The following AMZ1 variants were observed in gnomAD, a reference collection of about 807,000 sequenced individuals.
AMZ1 encodes archaelysin family metallopeptidase 1.
AMZ1 carries 39 observed loss-of-function variants against 29.9 expected under a neutral mutation model. The observed-to-expected ratio is 1.30, with a 90% CI of 1.01 to 1.70. The LOEUF (loss-of-function observed/expected upper bound fraction) is 1.70. Ranked by LOEUF, AMZ1 falls within the 40% of genes most tolerant of loss-of-function variation. AMZ1 has a pLI of 0.00. For missense variants in AMZ1, 1,041 were observed against 680.6 expected (o/e 1.53, Z -5.89); for synonymous variants, 458 against 304.0 (o/e 1.51, Z -5.27).
At chr7:2,696,303 C>T (rs1787721519) in intron 1 of AMZ1, among the ~76,000 whole-genome samples, 3 of 143,654 alleles carry the variant, frequency 2.1e-5, no homozygotes, top group Non-Finnish European at 4.5e-5. Flanking sequence ...GTCACCCAGG[C>T]TGGAGTGCAG....
At chr7:2,732,050 C>CT (rs1583203598) in intron 4 of AMZ1, among the ~76,000 whole-genome samples, 1 of 152,318 alleles carries the variant, frequency 6.6e-6, no homozygotes, top group East Asian at 1.9e-4. Context: ...AATTTACCAT[C>CT]TTTTTTGTTT....
rs192962372 is a variant in AMZ1, at chr7:2,707,355, G to A, written c.473-1233G>A. 2.0e-5 allele frequency among the ~76,000 whole-genome samples: 3 copies of A among 151,648 alleles called. No individual in the cohort carries two copies. In the East Asian group the frequency reaches 5.8e-4, roughly 29 times the overall value. On this transcript the variant is annotated intron_variant, in intron 3 of 6. Coordinates refer to ENST00000683327, the MANE Select transcript of AMZ1 (RefSeq NM_001384743.1). ...GTTCCTTTTAATGGTAGAACTCCTT[G>A]GAAAACACTTCTCCGGTGTGCCTCT...
Position 2,700,544 on chromosome 7 carries a change from G to A in AMZ1, c.93G>A (p.Leu31=), listed in dbSNP as rs770753226. Reference sequence around the variant, plus strand: ...CCACTGACGCAGCCCTGCAGCAGCTGTATGTGTCCGCCTTCTCCCCTGCCG... The same window carrying A: ...CCACTGACGCAGCCCTGCAGCAGCTATATGTGTCCGCCTTCTCCCCTGCCG... ...LVSTDAALQQ[L]YVSAFSPAER... is the part of the protein sequence containing the mutation. The change falls in exon 2 of 7, where the codon CTG becomes CTA. Residue 31 remains leucine, a synonymous_variant. Coordinates refer to ENST00000683327, the MANE Select transcript of AMZ1 (RefSeq NM_001384743.1). The A allele has an allele frequency of 1.4e-5, 23 of 1,609,370 alleles. No individual in the cohort carries two copies. The highest frequency in any genetic ancestry group is 1.9e-5 in the Non-Finnish European group (23 of 1,179,924).
chr7:2,759,357 C>CAG (rs1562411475), intron 4 of AMZ1, among the ~76,000 whole-genome samples: 2 of 152,148 alleles, frequency 1.3e-5, no homozygotes, highest in Non-Finnish European at 2.9e-5. Flanking sequence ...TGTGCCTGCA[C>CAG]TGTTCTAAGG....
At chr7:2,693,694 T>C (rs1787541079) in intron 1 of AMZ1, among the ~76,000 whole-genome samples, 1 of 152,218 alleles carries the variant, frequency 6.6e-6, no homozygotes, top group South Asian at 2.1e-4. Context: ...TAGCTAGGAC[T>C]ATAGGCGCCC....
rs1189281897 is a variant in AMZ1, at chr7:2,755,039, C to G, written n.551-9673C>G. On this transcript the variant is annotated intron_variant and non_coding_transcript_variant, in intron 4 of 4. Coordinates refer to the AMZ1 transcript ENST00000489665. ...AGCACCCTTTGTTGAAAAGGCTCTC[C>G]TTCTTCACTGAGTTGCTTCTGCCCT... 3.3e-5 allele frequency among the ~76,000 whole-genome samples: 5 copies of G among 152,312 alleles called. No homozygotes were observed. The East Asian group carries it at 9.6e-4, about 29-fold the overall frequency.
intron 4 of AMZ1, among the ~76,000 whole-genome samples, chr7:2,757,348 C>T (rs1298005008): frequency 3.3e-5 from 5 of 151,892 alleles, no homozygotes; most frequent in Non-Finnish European, 7.4e-5. Flanking sequence ...GTCAGGTGGG[C>T]CTTTTAAAAG....
rs758365016 is a variant in AMZ1, at chr7:2,709,640, G to C, written c.772G>C (p.Val258Leu). Residue 258 changes from valine (V) to leucine (L), a missense_variant and splice_region_variant, in exon 6 of 7, where the codon GTC (valine) becomes CTC (leucine). Physicochemically the swap from Val to Leu is conservative, Grantham distance 32. Coordinates refer to ENST00000683327, the MANE Select transcript of AMZ1 (RefSeq NM_001384743.1). ...SALGMVQCCK[V>L]TCHELCHLLG... ...AGGTGCTTGGTGGCCTTCCCCCCAG[G>C]TCACGTGCCACGAGCTCTGCCACCT... The C allele has an allele frequency of 1.2e-6, 2 of 1,608,078 alleles. No homozygotes were observed. Among genetic ancestry groups the C allele is most frequent in the South Asian group, 1.1e-5 (1 of 90,886 alleles).
intron 1 of AMZ1, among the ~76,000 whole-genome samples, chr7:2,680,946 G>A (rs1250038751): frequency 6.6e-6 from 1 of 152,158 alleles, no homozygotes; most frequent in African/African-American, 2.4e-5. Context: ...AGGCCTTCGG[G>A]ATCCCCGCAT....
chr7:2,686,678 T>C (rs1044982049), upstream of AMZ1, among the ~76,000 whole-genome samples: 8 of 152,056 alleles, frequency 5.3e-5, no homozygotes, highest in Non-Finnish European at 1.2e-4. Flanking sequence ...TTTCCAAATT[T>C]TGCACACCGG....
At chr7:2,693,618 C>T (rs906080706) in intron 1 of AMZ1, among the ~76,000 whole-genome samples, 22 of 152,288 alleles carry the variant, frequency 1.4e-4, no homozygotes, top group East Asian at 5.8e-4. Flanking sequence ...TGCAGTGGCG[C>T]GATCTCCGCT....
chr7:2,742,695 C>A (rs775353585), intron 4 of AMZ1, among the ~76,000 whole-genome samples: 1 of 152,210 alleles, frequency 6.6e-6, no homozygotes, highest in African/African-American at 2.4e-5. Flanking sequence ...TGAATGAGGC[C>A]TTTAATTCCT....
rs549226061 is a variant in AMZ1 at position 2,713,729 on chromosome 7, A to C, written c.*851A>C. On this transcript the variant is annotated 3_prime_UTR_variant, in exon 7 of 7. Transcript: ENST00000683327. ...GGCTCTCCAGGCATCTCTTCTGACAAACACTGCAGGAGGTGAGGGTGTCTG... is the reference window on the plus strand; with the variant it reads ...GGCTCTCCAGGCATCTCTTCTGACACACACTGCAGGAGGTGAGGGTGTCTG... The C allele has an allele frequency of 1.3e-5, 2 of 152,526 alleles. No individual in the cohort carries two copies. Among genetic ancestry groups the C allele is most frequent in the African/African-American group, 4.8e-5 (2 of 41,448 alleles). 9.4% of individuals were successfully genotyped at this position (152,526 alleles called of 1,614,324 possible).
intron 2 of AMZ1, 88 bp downstream of exon 2, chr7:2,700,843 G>GA: frequency 3.3e-6 from 5 of 1,501,546 alleles, no homozygotes; most frequent in Non-Finnish European, 4.5e-6. Flanking sequence ...TAGCCCCCAG[G>GA]CAGGACTGAA....
intron 4 of AMZ1, among the ~76,000 whole-genome samples, chr7:2,724,861 T>C (rs1309527050): frequency 1.3e-5 from 2 of 152,086 alleles, no homozygotes; most frequent in Non-Finnish European, 2.9e-5. Flanking sequence ...CCGGGAAGGA[T>C]TTCCAAACGT....
At position 2,708,650 on chromosome 7, in the gene AMZ1, A is replaced by C; in HGVS notation, c.535A>C (p.Thr179Pro). Reference protein sequence around the residue: ...PGDALCVLGLTLSDLYPHEAW... With the variant: ...PGDALCVLGLPLSDLYPHEAW... ...GGACGCGCTGTGTGTGCTGGGCCTC[A>C]CACTGTCTGACCTGTACCCCCATGA... is the stretch of plus-strand genomic sequence containing the variant. Residue 179 changes from threonine to proline, a missense_variant, in exon 4 of 7, where the codon ACA becomes CCA. Transcript: ENST00000683327. 6.2e-7 allele frequency: 1 copy of C among 1,613,164 alleles called. No homozygotes were observed. Among genetic ancestry groups the C allele is most frequent in the Non-Finnish European group, 8.5e-7 (1 of 1,179,984 alleles).
At chr7:2,745,663 A>C (rs1790729792) in intron 4 of AMZ1, among the ~76,000 whole-genome samples, 1 of 152,234 alleles carries the variant, frequency 6.6e-6, no homozygotes, top group Admixed American at 6.5e-5. Context: ...AAATTCACAC[A>C]TAACAATATT....
chr7:2,747,756 G>C (rs1790837252), intron 4 of AMZ1, among the ~76,000 whole-genome samples: 1 of 152,176 alleles, frequency 6.6e-6, no homozygotes, highest in Non-Finnish European at 1.5e-5. Context: ...CGACATGATT[G>C]TATATTATCT....
intron 1 of AMZ1, among the ~76,000 whole-genome samples, chr7:2,693,443 G>A (rs1161524225): frequency 6.6e-6 from 1 of 152,140 alleles, no homozygotes; most frequent in Non-Finnish European, 1.5e-5. Flanking sequence ...GCAGTGGTGC[G>A]ATCACAGCTC....
Sources: allele counts gnomAD v4.1 joint callset (sites outside exome capture counted in the v4.1 genomes callset), GRCh38; gene constraint gnomAD v4.1.1; transcripts MANE v1.5; gene names NCBI Gene and HGNC (gene_info 2026-07-23, HGNC 2026-07-21).